The following MLLT10 variants were observed in gnomAD, a reference collection of about 807,000 sequenced individuals.
MLLT10 encodes the protein protein AF-10.
In MLLT10, 30 loss-of-function variants were observed where a neutral mutation model predicts 129.1. The observed-to-expected ratio is 0.23, with a 90% confidence interval of 0.17 to 0.32. MLLT10 has a LOEUF of 0.32. MLLT10 is among the 10% of genes least tolerant of loss of function. The pLI is 1.00. For synonymous variants in MLLT10, 490 were observed against 446.4 expected, an observed-to-expected ratio of 1.10 and a Z score of -1.23; for missense variants, 1,119 against 1,268.3, an observed-to-expected ratio of 0.88 and a Z score of 1.79.
At chr10:21,705,426 G>A (rs2055396087) in intron 13 of MLLT10, among the ~76,000 whole-genome samples, 1 of 152,140 alleles carries the variant, frequency 6.6e-6, no homozygotes, top group South Asian at 2.1e-4. Context: ...TTGTCCTCAG[G>A]CCCCCTGATG....
intron 3 of MLLT10, chr10:21,557,038 G>A (rs966752337): frequency 7.0e-6 from 10 of 1,424,146 alleles, no homozygotes; most frequent in Admixed American, 3.0e-5. Context: ...AGTCTATCCT[G>A]TTTACTTGAT....
rs577905778 is a variant in MLLT10, at chr10:21,549,878, A to G, written c.240+10966A>G. Among the ~76,000 whole-genome samples, 5 of 152,036 alleles carry G rather than the reference A, an allele frequency of 3.3e-5. No individual in the cohort carries two copies. In the South Asian group the frequency reaches 1.0e-3, roughly 32 times the overall value. ...GGTCTCAAACTCCTGACCTCAGGTG[A>G]TCTGCCCGCCTTGGCCTCCCAAAGT... On this transcript the variant is annotated intron_variant, in intron 3 of 22. Transcript: ENST00000307729.
intron 8 of MLLT10, among the ~76,000 whole-genome samples, chr10:21,634,151 A>G (rs2047249269): frequency 6.6e-6 from 1 of 152,124 alleles, no homozygotes; most frequent in East Asian, 1.9e-4. Context: ...CAGGCAGGAG[A>G]ATCACTTGAA....
rs551709147 is a variant in MLLT10, at chr10:21,535,685, A to T, written c.160+881A>T. Among the ~76,000 whole-genome samples, 3 of 152,358 alleles carry T rather than the reference A, an allele frequency of 2.0e-5. No homozygotes were observed. The East Asian group carries it at 5.8e-4, about 29-fold the overall frequency. The stretch of plus-strand genomic sequence containing the variant: ...CGTGGTAAGGAATCCAGGACAAAAC[A>T]GTCTATATTCTTTTTTGGTGGCTCC... On this transcript the variant is annotated intron_variant, in intron 2 of 22. Coordinates refer to ENST00000307729, the MANE Select transcript of MLLT10 (RefSeq NM_001195626.3).
chr10:21,534,204 C>T (rs1207473855), upstream of MLLT10: 5 of 395,226 alleles, frequency 1.3e-5, no homozygotes, highest in Non-Finnish European at 2.2e-5. Flanking sequence ...GCCCAGGCCT[C>T]CTCCCTCACG....
chr10:21,600,282 CA>C (rs1167463824), intron 5 of MLLT10, among the ~76,000 whole-genome samples: 3 of 151,650 alleles, frequency 2.0e-5, no homozygotes, highest in Non-Finnish European at 4.4e-5. Flanking sequence ...CTAATAAAAG[CA>C]CAATTTAGAC....
In MLLT10 at chr10:21,672,093, T is replaced by C. The variant is rs191301139; in HGVS notation, c.1052-1257T>C. ...TTTACATAGGTCTCAGTAAATAAGT[T>C]GTTGATTAATAATGCATTTGTTATA... On this transcript the variant is annotated intron_variant, in intron 10 of 22. Coordinates refer to ENST00000307729, the MANE Select transcript of MLLT10 (RefSeq NM_001195626.3). Among the ~76,000 whole-genome samples the C allele has an allele frequency of 1.2e-3, 176 of 152,084 alleles. 1 individual carries two copies. The highest frequency in any genetic ancestry group is 2.1e-3 in the Non-Finnish European group (141 of 68,004).
At chr10:21,693,322 A>C (rs771479040) in intron 13 of MLLT10, among the ~76,000 whole-genome samples, 1 of 151,860 alleles carries the variant, frequency 6.6e-6, no homozygotes, top group Non-Finnish European at 1.5e-5. Context: ...TTAACTCCTC[A>C]TACTCTTCCT....
chr10:21,742,972 A>G lies in MLLT10; in HGVS notation c.*989A>G. ...TCCACTAATGAGTCACAAGAAAAGG[A>G]GTGGATTTGGTAAGAATAGAGATTT... On this transcript the variant is annotated 3_prime_UTR_variant, in exon 23 of 23. Transcript: ENST00000307729. 1 of 229,632 alleles carries G rather than the reference A, an allele frequency of 4.4e-6. No individual in the cohort carries two copies. The highest frequency in any genetic ancestry group is 8.6e-6 in the Non-Finnish European group (1 of 115,804). The allele number at this position is 229,632 out of a possible 1,614,324, so 14.2% of individuals were successfully genotyped here. A position where few individuals can be genotyped will look rare whatever the true frequency, so the allele number is the denominator to read the frequency against.
At chr10:21,534,202 C>G (rs1259051599), upstream of MLLT10, 1 of 394,906 alleles carries the variant, frequency 2.5e-6, no homozygotes, top group African/African-American at 2.1e-5. Flanking sequence ...TCGCCCAGGC[C>G]TCCTCCCTCA....
chr10:21,643,160 G>A (rs2048180756), intron 8 of MLLT10, among the ~76,000 whole-genome samples: 2 of 152,128 alleles, frequency 1.3e-5, no homozygotes, highest in Non-Finnish European at 2.9e-5. Flanking sequence ...AGCCTCTCAT[G>A]TAGCTGGGAC....
chr10:21,586,862 G>C (rs1449382766), intron 4 of MLLT10, among the ~76,000 whole-genome samples: 3 of 151,736 alleles, frequency 2.0e-5, no homozygotes, highest in African/African-American at 7.2e-5. Flanking sequence ...CCATTAGCCT[G>C]CGTGACAGAA....
chr10:21,540,195 A>C (rs2034879526), intron 3 of MLLT10, among the ~76,000 whole-genome samples: 1 of 152,152 alleles, frequency 6.6e-6, no homozygotes, highest in South Asian at 2.1e-4. Context: ...GTTTGAGACC[A>C]GCCTGGCCGA....
intron 3 of MLLT10, among the ~76,000 whole-genome samples, chr10:21,550,439 C>T (rs954817733): frequency 1.3e-5 from 2 of 152,148 alleles, no homozygotes; most frequent in Admixed American, 6.6e-5. Context: ...TATCTTTAGT[C>T]TATGTTGCTG....
chr10:21,664,896 A>ATACTTTCT (rs1054433325), intron 9 of MLLT10, among the ~76,000 whole-genome samples: 1 of 141,690 alleles, frequency 7.1e-6, no homozygotes, highest in African/African-American at 2.6e-5. Flanking sequence ...TCACATGCTT[A>ATACTTTCT]TACTTTCTTT....
chr10:21,558,259 C>CT (rs1038980324), intron 3 of MLLT10, among the ~76,000 whole-genome samples: 76 of 151,834 alleles, frequency 5.0e-4, no homozygotes, highest in Admixed American at 2.4e-3. Context: ...CCTTATTTTT[C>CT]TTTTTTTAAT....
rs759184150 is a variant in MLLT10, at chr10:21,740,050, G to T, written c.2976G>T (p.Leu992Phe). The stretch of plus-strand genomic sequence containing the variant: ...CTAAGGAACAACATCAAGCCTTTTT[G>T]TATCAGTTAATGCAACATCACCACC... The part of the protein sequence containing the change: ...QLTPEQHQAF[L>F]YQLMQHHHQQ... Residue 992 changes from leucine (L) to phenylalanine (F), a missense_variant, in exon 22 of 23, where the codon TTG becomes TTT. Around this residue, in one of 5 missense-constraint regions of MLLT10, gnomAD observed 1,004 missense variants for 1,008.7 expected, o/e 1.00. Transcript: ENST00000307729. 5.6e-6 allele frequency: 9 copies of T among 1,609,848 alleles called. No individual in the cohort carries two copies. The highest frequency in any genetic ancestry group is 7.6e-6 in the Non-Finnish European group (9 of 1,177,884).
chr10:21,581,567 G>A (rs757929585), intron 3 of MLLT10, among the ~76,000 whole-genome samples: 13 of 151,774 alleles, frequency 8.6e-5, no homozygotes, highest in Non-Finnish European at 1.8e-4. Flanking sequence ...ATCTCATCTC[G>A]AATTGTAATC....
chr10:21,732,213 G>A (rs1260320100), intron 17 of MLLT10, among the ~76,000 whole-genome samples: 1 of 152,126 alleles, frequency 6.6e-6, no homozygotes, highest in Non-Finnish European at 1.5e-5. Flanking sequence ...AAATCTTAAC[G>A]GCAACACTCT....
Sources: allele counts gnomAD v4.1 joint callset (sites outside exome capture counted in the v4.1 genomes callset), GRCh38; gene constraint gnomAD v4.1.1; regional missense constraint gnomAD v4.1.1; transcripts MANE v1.5; gene names NCBI Gene and HGNC (gene_info 2026-07-23, HGNC 2026-07-21).